Variants in BBS9 observed in about 807,000 individuals in gnomAD.
BBS9 encodes Bardet-Biedl syndrome 9.
BBS9 carries 89 observed loss-of-function variants against 117.7 expected under a neutral mutation model. That is an observed-to-expected ratio of 0.76 (90% CI 0.64 to 0.90). The LOEUF (loss-of-function observed/expected upper bound fraction) is 0.90, where lower values mean the gene tolerates loss of function less well. BBS9 is among the 40% of genes least tolerant of loss of function. The pLI is 0.00. For synonymous variants in BBS9, 379 were observed against 370.9 expected (o/e 1.02, Z -0.25); for missense variants, 982 against 1,042.2 (o/e 0.94, Z 0.80).
In BBS9 at chr7:33,388,048, T is replaced by G. The variant is rs1263923004; in HGVS notation, c.2019T>G (p.Phe673Leu). ...EELLSERAVQFRAIQRRLLAR... is the reference protein window; with the variant it reads ...EELLSERAVQLRAIQRRLLAR... ...TCTTATCTGAGAGAGCTGTACAATT[T>G]CGGGCCATTCAACGCCGGCTACTAG... is the stretch of plus-strand genomic sequence containing the variant. Residue 673 changes from phenylalanine to leucine, a missense_variant, in exon 19 of 23, where the codon TTT (phenylalanine) becomes TTG (leucine). Transcript: ENST00000242067. 2.5e-6 allele frequency: 4 copies of G among 1,614,028 alleles called. No homozygotes were observed. Among genetic ancestry groups the G allele is most frequent in the Non-Finnish European group, 3.4e-6 (4 of 1,180,008 alleles).
intron 21 of BBS9, among the ~76,000 whole-genome samples, chr7:33,548,503 C>T (rs182892002): frequency 8.1e-6 from 1 of 123,264 alleles, no homozygotes; most frequent in Non-Finnish European, 1.7e-5. Context: ...CCCCCTCCCC[C>T]CACCCCACCA....
intron 19 of BBS9, among the ~76,000 whole-genome samples, chr7:33,487,237 G>C (rs1402776738): frequency 6.6e-6 from 1 of 152,122 alleles, no homozygotes; most frequent in Non-Finnish European, 1.5e-5. Flanking sequence ...TTTTTAAACT[G>C]TAATTTGTTC....
chr7:33,406,339 C>G (rs188075164), intron 19 of BBS9, among the ~76,000 whole-genome samples: 2 of 152,244 alleles, frequency 1.3e-5, no homozygotes, highest in African/African-American at 4.8e-5. Context: ...GTGGAGAGTT[C>G]TGTAGATGTC....
intron 19 of BBS9, among the ~76,000 whole-genome samples, chr7:33,399,481 G>A (rs966300646): frequency 6.6e-6 from 1 of 152,172 alleles, no homozygotes; most frequent in Non-Finnish European, 1.5e-5. Flanking sequence ...GGCATATCAC[G>A]TCATCTCTCT....
chr7:33,138,666 G>A (rs1299099826), intron 1 of BBS9, among the ~76,000 whole-genome samples: 1 of 151,028 alleles, frequency 6.6e-6, no homozygotes, highest in African/African-American at 2.4e-5. Flanking sequence ...ACAGGGTCTG[G>A]CTTTGTTGTC....
chr7:33,527,023 T>C (rs1210708048), intron 20 of BBS9, among the ~76,000 whole-genome samples: 2 of 151,380 alleles, frequency 1.3e-5, no homozygotes, highest in Non-Finnish European at 2.9e-5. Flanking sequence ...GGTGTCAGTG[T>C]GCCCCTGTTG....
At chr7:33,383,399 C>A (rs889366255) in intron 17 of BBS9, among the ~76,000 whole-genome samples, 1 of 152,080 alleles carries the variant, frequency 6.6e-6, no homozygotes, top group Admixed American at 6.6e-5. Flanking sequence ...TGTACTGAAG[C>A]CTATTATAAG....
chr7:33,446,219 A>C (rs1836972186), intron 19 of BBS9, among the ~76,000 whole-genome samples: 1 of 152,194 alleles, frequency 6.6e-6, no homozygotes, highest in Admixed American at 6.5e-5. Flanking sequence ...AGGTGAGTAA[A>C]GGAGGCCTTA....
At position 33,475,090 on chromosome 7, in the gene BBS9, A is replaced by G. The variant is rs180964066; in HGVS notation, c.2116-30373A>G. 2.4e-3 allele frequency among the ~76,000 whole-genome samples: 358 copies of G among 152,328 alleles called. 3 individuals carry two copies. The highest frequency in any genetic ancestry group is 0.01 in the Middle Eastern group (3 of 294). ...AACTGGCAAGAAAAATAAGATTACC[A>G]TGATTGGCTCTAGGGGTTGGCAAAC... On this transcript the variant is annotated intron_variant, in intron 19 of 22. Coordinates refer to ENST00000242067, the MANE Select transcript of BBS9 (RefSeq NM_198428.3).
At chr7:33,396,813 C>T (rs1030184145) in intron 19 of BBS9, among the ~76,000 whole-genome samples, 1 of 152,112 alleles carries the variant, frequency 6.6e-6, no homozygotes, top group African/African-American at 2.4e-5. Flanking sequence ...CACACAAAGA[C>T]CAATGTAACA....
At chr7:33,514,775 A>C (rs899327978) in intron 20 of BBS9, among the ~76,000 whole-genome samples, 2 of 152,164 alleles carry the variant, frequency 1.3e-5, no homozygotes, top group African/African-American at 4.8e-5. Context: ...GGTTATCTTC[A>C]CTATCATTTC....
At chr7:33,593,871 A>G (rs2129183238) in intron 21 of BBS9, among the ~76,000 whole-genome samples, 1 of 152,238 alleles carries the variant, frequency 6.6e-6, no homozygotes, top group South Asian at 2.1e-4. Context: ...CTTTTTTGTA[A>G]ATAGAACTCT....
intron 5 of BBS9, among the ~76,000 whole-genome samples, chr7:33,207,799 TAC>T (rs1787228676): frequency 6.6e-6 from 1 of 151,024 alleles, no homozygotes; most frequent in African/African-American, 2.4e-5. Flanking sequence ...TGTGTACACT[TAC>T]ATATAGATAT....
intron 1 of BBS9, among the ~76,000 whole-genome samples, chr7:33,137,453 C>A (rs78129557): frequency 4.7e-4 from 72 of 152,322 alleles, no homozygotes; most frequent in Admixed American, 2.6e-4. Context: ...TCCCAGCCCC[C>A]ACTGGCTCCG....
At chr7:33,459,375 C>A (rs942212135) in intron 19 of BBS9, among the ~76,000 whole-genome samples, 1 of 151,584 alleles carries the variant, frequency 6.6e-6, no homozygotes, top group African/African-American at 2.4e-5. Flanking sequence ...GGAGAGGATA[C>A]CATTGGCATC....
At chr7:33,356,330 G>C (rs998834062) in intron 15 of BBS9, among the ~76,000 whole-genome samples, 1 of 151,768 alleles carries the variant, frequency 6.6e-6, no homozygotes, top group Non-Finnish European at 1.5e-5. Flanking sequence ...GTCGTGCTTT[G>C]TGCAGTATCT....
At chr7:33,299,674 A>G (rs1021931941) in intron 9 of BBS9, among the ~76,000 whole-genome samples, 1 of 151,418 alleles carries the variant, frequency 6.6e-6, no homozygotes, top group Non-Finnish European at 1.5e-5. Flanking sequence ...ATACTAGTTT[A>G]ATATTTATTA....
At chr7:33,406,707 T>G (rs1430015513) in intron 19 of BBS9, among the ~76,000 whole-genome samples, 1 of 152,192 alleles carries the variant, frequency 6.6e-6, no homozygotes, top group African/African-American at 2.4e-5. Flanking sequence ...TTAGTTTGGC[T>G]GGATATGAAA....
chr7:33,495,026 T>C (rs1844520474), intron 19 of BBS9, among the ~76,000 whole-genome samples: 1 of 152,256 alleles, frequency 6.6e-6, no homozygotes, highest in Admixed American at 6.5e-5. Context: ...AACTATTTTA[T>C]CTAAAAAAGC....
Sources: allele counts gnomAD v4.1 joint callset (sites outside exome capture counted in the v4.1 genomes callset), GRCh38; gene constraint gnomAD v4.1.1; transcripts MANE v1.5; gene names NCBI Gene and HGNC (gene_info 2026-07-23, HGNC 2026-07-21).